Variants in SLC8A1 observed in about 807,000 individuals in gnomAD.
SLC8A1 encodes the protein sodium/calcium exchanger 1.
SLC8A1 carries 18 observed loss-of-function variants against 68.3 expected under a neutral mutation model. The observed-to-expected ratio is 0.26, with a 90% CI of 0.18 to 0.39. The LOEUF (loss-of-function observed/expected upper bound fraction) is 0.39, where lower values mean the gene tolerates loss of function less well. SLC8A1 is among the 10% of genes least tolerant of loss of function. SLC8A1 has a pLI of 1.00. For missense variants in SLC8A1, 985 were observed against 1,156.7 expected (o/e 0.85, Z 2.15); for synonymous variants, 475 against 415.5 (o/e 1.14, Z -1.74).
chr2:40,148,483 C>A (rs900180342), intron 6 of SLC8A1, among the ~76,000 whole-genome samples: 1 of 152,170 alleles, frequency 6.6e-6, no homozygotes, highest in Non-Finnish European at 1.5e-5. Context: ...AGTGGTGATG[C>A]AAATTGAGTA....
Position 40,146,222 on chromosome 2 carries a change from C to G in SLC8A1, c.2162-6546G>C, listed in dbSNP as rs13001529. ...CTGAAACGTGGGTCTTAGAAAATAC[C>G]TGAGCTTAAAGCTTTAGGAGGGTTT... On this transcript the variant is annotated intron_variant, in intron 6 of 7. Transcript: ENST00000406785. Among the ~76,000 whole-genome samples the G allele has an allele frequency of 5.3e-5, 8 of 152,208 alleles. No individual in the cohort carries two copies. The East Asian group carries it at 1.4e-3, about 26-fold the overall frequency.
chr2:40,428,435 A>G, intron 2 of SLC8A1, 38 bp downstream of exon 2: 1 of 1,376,252 alleles, frequency 7.3e-7, no homozygotes. Context: ...ACACACACAC[A>G]CACACACACA....
intron 1 of SLC8A1, among the ~76,000 whole-genome samples, chr2:40,506,350 G>A (rs1347392269): frequency 6.6e-6 from 1 of 151,888 alleles, no homozygotes; most frequent in Middle Eastern, 3.4e-3. Flanking sequence ...ACAAGTTTTG[G>A]GGGCATATAC....
At chr2:40,350,917 G>T (rs1670880541) in intron 2 of SLC8A1, among the ~76,000 whole-genome samples, 1 of 152,098 alleles carries the variant, frequency 6.6e-6, no homozygotes, top group South Asian at 2.1e-4. Flanking sequence ...GGGGCTTTAA[G>T]AGGTTATGTG....
At chr2:40,331,969 G>T (rs1022602678) in intron 2 of SLC8A1, among the ~76,000 whole-genome samples, 1 of 151,830 alleles carries the variant, frequency 6.6e-6, no homozygotes, top group African/African-American at 2.4e-5. Flanking sequence ...GACAGTTTGA[G>T]GTTACAGTGA....
intron 7 of SLC8A1, among the ~76,000 whole-genome samples, chr2:40,129,404 AC>A (rs1249364682): frequency 9.9e-5 from 1 of 10,122 alleles, no homozygotes; most frequent in Non-Finnish European, 1.2e-3. Context: ...CTAATTTAAA[AC>A]TTTTTTTTTT....
At chr2:40,131,736 G>A (rs1023985812) in intron 7 of SLC8A1, among the ~76,000 whole-genome samples, 6 of 152,290 alleles carry the variant, frequency 3.9e-5, no homozygotes, top group African/African-American at 7.2e-5. Flanking sequence ...CCCACTGACC[G>A]GCACCTGGGT....
At chr2:40,299,105 G>A (rs1488270968) in intron 2 of SLC8A1, among the ~76,000 whole-genome samples, 1 of 152,122 alleles carries the variant, frequency 6.6e-6, no homozygotes, top group Non-Finnish European at 1.5e-5. Flanking sequence ...TTCTCACCAA[G>A]TGACCTGGAT....
At chr2:40,405,968 T>TA (rs1404942736) in intron 2 of SLC8A1, among the ~76,000 whole-genome samples, 3 of 152,228 alleles carry the variant, frequency 2.0e-5, no homozygotes, top group African/African-American at 7.2e-5. Flanking sequence ...AAGACTACTA[T>TA]AATCTTCACA....
At chr2:40,174,380 A>T (rs562303959) in intron 4 of SLC8A1, among the ~76,000 whole-genome samples, 1 of 152,076 alleles carries the variant, frequency 6.6e-6, no homozygotes, top group Admixed American at 6.5e-5. Flanking sequence ...GTCAGCTTCT[A>T]TGTTTCTCTG....
chr2:40,262,988 G>C (rs1263320346), intron 2 of SLC8A1, among the ~76,000 whole-genome samples: 1 of 152,184 alleles, frequency 6.6e-6, no homozygotes, highest in African/African-American at 2.4e-5. Context: ...TCCTAAGAAG[G>C]TAAAATATTT....
intron 2 of SLC8A1, among the ~76,000 whole-genome samples, chr2:40,319,537 A>T (rs1431252545): frequency 2.0e-5 from 3 of 152,088 alleles, no homozygotes. Flanking sequence ...GACGTTCAAA[A>T]CACGTTTTCT....
At chr2:40,158,665 C>T (rs1325879557) in intron 6 of SLC8A1, among the ~76,000 whole-genome samples, 1 of 152,088 alleles carries the variant, frequency 6.6e-6, no homozygotes, top group Non-Finnish European at 1.5e-5. Context: ...CAATTTTCCT[C>T]ATTTTGAAAT....
At chr2:40,184,898 C>CAAAA (rs66662572) in intron 2 of SLC8A1, among the ~76,000 whole-genome samples, 656 of 104,768 alleles carry the variant, frequency 6.3e-3, no homozygotes, top group Non-Finnish European at 8.3e-3. Flanking sequence ...TAACCAAAAA[C>CAAAA]AAAAAAAAAA....
intron 2 of SLC8A1, among the ~76,000 whole-genome samples, chr2:40,268,460 A>C (rs1289852497): frequency 6.6e-6 from 1 of 152,198 alleles, no homozygotes; most frequent in Non-Finnish European, 1.5e-5. Context: ...AAATGGAAGA[A>C]ATCACCCTGT....
chr2:40,224,744 G>A (rs901400205), intron 2 of SLC8A1, among the ~76,000 whole-genome samples: 5 of 152,072 alleles, frequency 3.3e-5, no homozygotes, highest in Non-Finnish European at 5.9e-5. Context: ...TCCTCAAACA[G>A]GAATATTGCC....
chr2:40,190,577 T>G lies in SLC8A1; in HGVS notation c.1809-12722A>C, dbSNP rs777840081. On this transcript the variant is annotated intron_variant, in intron 2 of 7. Coordinates refer to ENST00000406785, the Ensembl canonical transcript of SLC8A1. ...TGATAACAGAAAGAAATGCATGATT[T>G]TCTTTGGTAACTCAGTACCATTTCA... is the stretch of plus-strand genomic sequence containing the variant. The G allele has an allele frequency of 7.9e-5, 12 of 152,300 alleles. 1 individual carries two copies. Among genetic ancestry groups the G allele is most frequent in the Admixed American group, 4.6e-4 (7 of 15,292 alleles). 9.4% of individuals were successfully genotyped at this position (152,300 alleles called of 1,614,324 possible). A position where few individuals can be genotyped will look rare whatever the true frequency, so the allele number is the denominator to read the frequency against.
chr2:40,143,333 T>C lies in SLC8A1; in HGVS notation c.2162-3657A>G, dbSNP rs184889198. Among the ~76,000 whole-genome samples, 16 of 152,260 alleles carry C rather than the reference T, an allele frequency of 1.1e-4. No individual in the cohort carries two copies. The East Asian group carries it at 2.9e-3, about 28-fold the overall frequency. On this transcript the variant is annotated intron_variant, in intron 6 of 7. Coordinates refer to ENST00000406785, the Ensembl canonical transcript of SLC8A1. ...CATTAAAAAATCCTAGGAGCATCTT[T>C]TATGTGACAGCAAAAATGATGGTAG...
intron 4 of SLC8A1, among the ~76,000 whole-genome samples, chr2:40,169,184 A>G (rs1412127915): frequency 1.3e-5 from 2 of 152,192 alleles, no homozygotes; most frequent in Non-Finnish European, 2.9e-5. Context: ...ACAACCCATA[A>G]GGTCCATCTC....
Sources: gnomAD v4.1 joint callset for allele counts (sites outside exome capture counted in the v4.1 genomes callset) on GRCh38, gnomAD v4.1.1 for gene constraint, MANE v1.5 for transcripts, NCBI Gene and HGNC (gene_info 2026-07-23, HGNC 2026-07-21) for gene names.